The following TBL1X variants were observed in gnomAD, a reference collection of about 807,000 sequenced individuals.
TBL1X encodes the protein F-box-like/WD repeat-containing protein TBL1X.
In TBL1X, 10 loss-of-function variants were observed where a neutral mutation model predicts 50.7. That is an observed-to-expected ratio of 0.20 (90% confidence interval 0.12 to 0.33). The LOEUF is 0.33. Among genes scored for constraint, TBL1X ranks in the 10% least tolerant of loss-of-function variants. TBL1X has a pLI of 1.00. For synonymous variants in TBL1X, 190 were observed against 214.7 expected (o/e 0.88, Z 1.01); for missense variants, 340 against 504.4 (o/e 0.67, Z 3.12).
chrX:9,595,167 G>T (rs942362847), intron 2 of TBL1X, among the ~76,000 whole-genome samples: 1 of 111,913 alleles, frequency 8.9e-6, no homozygotes, highest in African/African-American at 3.3e-5. Flanking sequence ...CCTGCAGCTG[G>T]CACAGGGGTC....
intron 1 of TBL1X, among the ~76,000 whole-genome samples, chrX:9,495,947 C>T (rs1769008770): frequency 8.9e-6 from 1 of 112,362 alleles, no homozygotes; most frequent in Non-Finnish European, 1.9e-5. Flanking sequence ...ACCATGAAAG[C>T]GCTGCAGGTA....
chrX:9,674,899 C>A (rs1330014183), intron 5 of TBL1X, among the ~76,000 whole-genome samples: 1 of 111,047 alleles, frequency 9.0e-6, no homozygotes, highest in Non-Finnish European at 1.9e-5. Flanking sequence ...GTTCTTTGCT[C>A]GTTATCTGAA....
chrX:9,592,070 C>T (rs770628116), intron 2 of TBL1X, among the ~76,000 whole-genome samples: 6 of 112,274 alleles, frequency 5.3e-5, no homozygotes, highest in African/African-American at 1.3e-4. Context: ...TTTACATTTT[C>T]GTATCTGTTG....
intron 1 of TBL1X, among the ~76,000 whole-genome samples, chrX:9,470,870 A>G (rs2081810322): frequency 9.0e-6 from 1 of 111,605 alleles, no homozygotes; most frequent in Non-Finnish European, 1.9e-5. Flanking sequence ...CTGACTTCAG[A>G]TGATCCACTC....
intron 2 of TBL1X, among the ~76,000 whole-genome samples, chrX:9,556,564 G>A (rs1849728650): frequency 9.1e-6 from 1 of 109,899 alleles, no homozygotes; most frequent in Non-Finnish European, 1.9e-5. Flanking sequence ...TGAGGTGGGA[G>A]GATCACTTGA....
At chrX:9,473,649 C>G (rs1410164372) in intron 1 of TBL1X, among the ~76,000 whole-genome samples, 1 of 112,050 alleles carries the variant, frequency 8.9e-6, no homozygotes, top group Non-Finnish European at 1.9e-5. Context: ...TAATGGTTCT[C>G]ATTTGGGACA....
chrX:9,653,599 G>C lies in TBL1X; in HGVS notation c.13G>C (p.Ala5Pro), dbSNP rs138597617. 3.4e-6 allele frequency: 4 copies of C among 1,168,593 alleles called. No homozygotes were observed. In the African/African-American group the frequency reaches 5.4e-5, roughly 16 times the overall value. ...GGTGACATGTAGCATGACCGAGCTC[G>C]CTGGCGCCTCTTCATCGTGCTGCCA... MTELAGASSSCCHRP... is the reference protein window; with the variant it reads MTELPGASSSCCHRP... Residue 5 changes from alanine (A) to proline (P), a missense_variant, in exon 4 of 18, where the codon GCT (alanine) becomes CCT (proline). Around this residue, in one of 6 missense-constraint regions of TBL1X, gnomAD observed 41 missense variants for 48.6 expected, o/e 0.84. Coordinates refer to ENST00000645353, the MANE Select transcript of TBL1X (RefSeq NM_005647.4).
intron 1 of TBL1X, among the ~76,000 whole-genome samples, chrX:9,494,972 T>TA (rs1235247582): frequency 1.8e-5 from 2 of 111,617 alleles, no homozygotes; most frequent in Non-Finnish European, 3.8e-5. Flanking sequence ...ATTTCCCACA[T>TA]AAAACATGGA....
intron 3 of TBL1X, among the ~76,000 whole-genome samples, chrX:9,646,787 A>T (rs774121431): frequency 8.9e-5 from 10 of 112,504 alleles, no homozygotes; most frequent in Non-Finnish European, 1.9e-4. Context: ...AGATGTTTAC[A>T]TAACAGGGCA....
At chrX:9,670,364 G>A (rs2082953673) in intron 5 of TBL1X, among the ~76,000 whole-genome samples, 2 of 110,939 alleles carry the variant, frequency 1.8e-5, no homozygotes, top group African/African-American at 3.3e-5. Flanking sequence ...CAGTCAGGAT[G>A]CTCCCTACCC....
At chrX:9,576,533 A>T (rs752333391) in intron 2 of TBL1X, among the ~76,000 whole-genome samples, 21 of 111,376 alleles carry the variant, frequency 1.9e-4, no homozygotes, top group Admixed American at 1.6e-3. Flanking sequence ...TTCCAGGTTC[A>T]TACTTTTTTT....
At chrX:9,484,334 A>C (rs759796182) in intron 1 of TBL1X, among the ~76,000 whole-genome samples, 13 of 110,708 alleles carry the variant, frequency 1.2e-4, no homozygotes, top group South Asian at 3.8e-4. Flanking sequence ...ACACACACAC[A>C]CCCATATTTG....
At chrX:9,523,788 G>A (rs745715938) in intron 2 of TBL1X, among the ~76,000 whole-genome samples, 1 of 111,362 alleles carries the variant, frequency 9.0e-6, no homozygotes, top group Admixed American at 9.5e-5. Context: ...TGTAGTCATC[G>A]AGTGAAGCCG....
intron 2 of TBL1X, among the ~76,000 whole-genome samples, chrX:9,631,016 T>G (rs1178408145): frequency 9.0e-6 from 1 of 111,060 alleles, no homozygotes; most frequent in Non-Finnish European, 1.9e-5. Context: ...ATATATATAT[T>G]CAGTAACGAT....
intron 2 of TBL1X, among the ~76,000 whole-genome samples, chrX:9,584,742 A>G: frequency 8.9e-6 from 1 of 112,190 alleles, no homozygotes; most frequent in Non-Finnish European, 1.9e-5. Context: ...ACATTGTGAG[A>G]ATTGAGGATA....
rs139375268 is a variant in TBL1X, at chrX:9,467,754, A to G, written c.-201+2307A>G. ...CTCACTTTCTGTGGGGCTCGACCACATGGACCATGCTGGCCAGACTGGCAA... is the reference window on the plus strand; with the variant it reads ...CTCACTTTCTGTGGGGCTCGACCACGTGGACCATGCTGGCCAGACTGGCAA... On this transcript the variant is annotated intron_variant, in intron 1 of 17. Coordinates refer to ENST00000645353, the MANE Select transcript of TBL1X (RefSeq NM_005647.4). 7.0e-3 allele frequency among the ~76,000 whole-genome samples: 783 copies of G among 111,352 alleles called. 10 individuals carry two copies. The highest frequency in any genetic ancestry group is 0.024 in the African/African-American group (745 of 30,595).
chrX:9,513,773 G>C lies in TBL1X; in HGVS notation c.-131+11924G>C, dbSNP rs73631489. 2.5e-3 allele frequency among the ~76,000 whole-genome samples: 270 copies of C among 109,790 alleles called. 2 individuals are homozygous for C. The highest frequency in any genetic ancestry group is 0.014 in the Middle Eastern group (3 of 216). ...GGAATACCTGAGACTGGGTAATTTA[G>C]AGGTTTATTTGGCACATAGTTCTAC... is the stretch of plus-strand genomic sequence containing the variant. On this transcript the variant is annotated intron_variant, in intron 2 of 17. Transcript: ENST00000645353.
intron 11 of TBL1X, 126 bp downstream of exon 11, chrX:9,693,545 T>A: frequency 1.5e-6 from 1 of 646,066 alleles, no homozygotes; most frequent in South Asian, 3.0e-5. Context: ...TGAAAATGAT[T>A]TGTTTAGGCT....
intron 1 of TBL1X, among the ~76,000 whole-genome samples, chrX:9,468,994 A>G (rs1184141317): frequency 9.2e-6 from 1 of 109,266 alleles, no homozygotes; most frequent in East Asian, 2.9e-4. Context: ...TTTTATTTTT[A>G]TTTTTAGTAG....
Sources: gnomAD v4.1 joint callset for allele counts (sites outside exome capture counted in the v4.1 genomes callset) on GRCh38, gnomAD v4.1.1 for gene constraint, gnomAD v4.1.1 regional missense constraint, MANE v1.5 for transcripts, NCBI Gene and HGNC (gene_info 2026-07-23, HGNC 2026-07-21) for gene names.